The following TIAM1 variants were observed in gnomAD, a reference collection of about 807,000 sequenced individuals.
TIAM1 encodes rho guanine nucleotide exchange factor TIAM1.
A neutral mutation model predicts 163.5 loss-of-function variants in TIAM1; 65 were observed. The observed-to-expected ratio is 0.40, with a 90% CI of 0.33 to 0.49. The LOEUF (loss-of-function observed/expected upper bound fraction) is 0.49, where lower values mean the gene tolerates loss of function less well. TIAM1 is among the 20% of genes least tolerant of loss of function. TIAM1 has a pLI of 0.77. For missense variants in TIAM1, 1,789 were observed against 2,044.7 expected (o/e 0.87, Z 2.41); for synonymous variants, 833 against 810.1 (o/e 1.03, Z -0.48).
intron 8 of TIAM1, among the ~76,000 whole-genome samples, chr21:31,222,705 ATATTTTTTTTTTT>A (rs1267176357): frequency 3.4e-3 from 119 of 35,122 alleles, no homozygotes; most frequent in African/African-American, 0.015. Flanking sequence ...ATATATATAT[ATATTTTTTTTTTT>A]TTTTTTTTTT....
At chr21:31,383,808 T>C (rs1361398093) in intron 2 of TIAM1, among the ~76,000 whole-genome samples, 1 of 152,212 alleles carries the variant, frequency 6.6e-6, no homozygotes, top group Non-Finnish European at 1.5e-5. Context: ...TGTGGGGCAC[T>C]CGATTTCTTT....
At chr21:31,439,962 G>A (rs75233630) in intron 2 of TIAM1, among the ~76,000 whole-genome samples, 6 of 152,292 alleles carry the variant, frequency 3.9e-5, no homozygotes, top group South Asian at 2.1e-4. Flanking sequence ...TGATGCTTCC[G>A]ATTGTCAATA....
In TIAM1 at chr21:31,504,194, A is replaced by G. The variant is rs12626597; in HGVS notation, c.-421-40159T>C. 5.8e-4 allele frequency among the ~76,000 whole-genome samples: 88 copies of G among 152,286 alleles called. 1 individual carries two copies. In the East Asian group the frequency reaches 0.015, roughly 25 times the overall value. On this transcript the variant is annotated intron_variant, in intron 1 of 28. Transcript: ENST00000286827. ...GACTGACAGGTTCCTGCTTGCTGGC[A>G]TATGTGTTACAAGGCAACCCAGGCC...
rs192413782 is a variant in TIAM1 at position 31,395,706 on chromosome 21, G to A, written c.-368-56284C>T. Reference sequence around the variant, plus strand: ...AAAACATCTATCTTGGGGAGGGGGCGCATGCGTTCCCCTGGCTGTCGCGTG... The same window carrying A: ...AAAACATCTATCTTGGGGAGGGGGCACATGCGTTCCCCTGGCTGTCGCGTG... On this transcript the variant is annotated intron_variant, in intron 2 of 28. Transcript: ENST00000286827. This position sits in a 1 kb window ranked among gnomAD's most constrained non-coding sequence, Gnocchi z 7.5. 1.4e-4 allele frequency among the ~76,000 whole-genome samples: 21 copies of A among 152,266 alleles called. No individual in the cohort carries two copies. Among genetic ancestry groups the A allele is most frequent in the South Asian group, 8.3e-4 (4 of 4,826 alleles).
chr21:31,174,885 G>A (rs1601416540), intron 15 of TIAM1, among the ~76,000 whole-genome samples: 1 of 152,248 alleles, frequency 6.6e-6, no homozygotes, highest in African/African-American at 2.4e-5. Flanking sequence ...CTGACTTCTG[G>A]TGATCCACCC....
intron 6 of TIAM1, among the ~76,000 whole-genome samples, chr21:31,229,905 G>C (rs549162543): frequency 6.6e-6 from 1 of 152,060 alleles, no homozygotes; most frequent in Non-Finnish European, 1.5e-5. Flanking sequence ...CACCCGCCTC[G>C]GCCTCCCAAA....
intron 2 of TIAM1, among the ~76,000 whole-genome samples, chr21:31,420,719 G>A (rs2043537950): frequency 6.6e-6 from 1 of 152,128 alleles, no homozygotes; most frequent in Non-Finnish European, 1.5e-5. Context: ...GGGTCAAATA[G>A]GGTCTCCCTC....
intron 2 of TIAM1, among the ~76,000 whole-genome samples, chr21:31,305,425 A>T (rs1426732468): frequency 6.7e-5 from 10 of 148,184 alleles, no homozygotes; most frequent in African/African-American, 2.0e-4. Context: ...ATAAAAATAA[A>T]AAAAAAAAAA....
In TIAM1 at chr21:31,362,479, A is replaced by ATTAT. The variant is rs1191164944; in HGVS notation, c.-368-23058_-368-23057insATAA. On this transcript the variant is annotated intron_variant, in intron 2 of 28. Coordinates refer to the TIAM1 transcript ENST00000286827. ...TATTATTATTATTATTATTATTATT[A>ATTAT]TATTTGAGAAAAGGTCTCGCTTTGT... Among the ~76,000 whole-genome samples, 559 of 145,386 alleles carry ATTAT rather than the reference A, an allele frequency of 3.8e-3. 3 individuals carry two copies. The highest frequency in any genetic ancestry group is 0.014 in the African/African-American group (541 of 39,168).
chr21:31,314,352 C>T (rs1389191964), intron 2 of TIAM1, among the ~76,000 whole-genome samples: 1 of 152,054 alleles, frequency 6.6e-6, no homozygotes, highest in East Asian at 1.9e-4. Context: ...TGATGATTGG[C>T]AGTAGGATAT....
At position 31,126,935 on chromosome 21, in the gene TIAM1, C is replaced by G; in HGVS notation, c.4133+130G>C. ...CTGTCAGCTCCTCCCAGCTGACTCTCCATTTACTGCATCTCAGTGATGTTA... is the reference window on the plus strand; with the variant it reads ...CTGTCAGCTCCTCCCAGCTGACTCTGCATTTACTGCATCTCAGTGATGTTA... On this transcript the variant is annotated intron_variant, in intron 26 of 27. Coordinates refer to ENST00000541036, the MANE Select transcript of TIAM1 (RefSeq NM_001353694.2). The G allele has an allele frequency of 7.2e-6, 6 of 827,818 alleles. No individual in the cohort carries two copies. The South Asian group carries it at 8.4e-5, about 12-fold the overall frequency. 51.3% of individuals were successfully genotyped at this position (827,818 alleles called of 1,614,324 possible).
chr21:31,520,550 T>TC (rs1311140491), intron 1 of TIAM1, among the ~76,000 whole-genome samples: 4 of 152,174 alleles, frequency 2.6e-5, no homozygotes, highest in African/African-American at 9.7e-5. Flanking sequence ...AAATGTGCTG[T>TC]CCTAAGGCAG....
intron 1 of TIAM1, among the ~76,000 whole-genome samples, chr21:31,535,679 C>T (rs955262857): frequency 1.3e-5 from 2 of 152,122 alleles, no homozygotes; most frequent in African/African-American, 4.8e-5. Context: ...TTTCCTCCTT[C>T]CCATTGCCCC....
intron 1 of TIAM1, among the ~76,000 whole-genome samples, chr21:31,557,979 C>T (rs950500987): frequency 1.3e-5 from 2 of 152,122 alleles, no homozygotes; most frequent in African/African-American, 4.8e-5. Context: ...GAGACGGCAT[C>T]TTTCCCCTGC....
At chr21:31,235,958 C>T (rs2088730353) in intron 6 of TIAM1, among the ~76,000 whole-genome samples, 1 of 152,222 alleles carries the variant, frequency 6.6e-6, no homozygotes, top group African/African-American at 2.4e-5. Context: ...GCAAGTGGGG[C>T]CCCTGCCAGG....
chr21:31,269,141 G>A (rs527836655), intron 3 of TIAM1, among the ~76,000 whole-genome samples: 51 of 152,320 alleles, frequency 3.3e-4, no homozygotes, highest in Middle Eastern at 3.4e-3. Context: ...TTTCTGGTAA[G>A]GCTTGTTTCT....
At chr21:31,537,504 C>A (rs1167220301) in intron 1 of TIAM1, among the ~76,000 whole-genome samples, 5 of 151,318 alleles carry the variant, frequency 3.3e-5, no homozygotes, top group African/African-American at 1.2e-4. Context: ...GTTATCCCAG[C>A]ACTTTGGGAG....
intron 1 of TIAM1, among the ~76,000 whole-genome samples, chr21:31,517,546 G>A (rs961532030): frequency 2.6e-5 from 4 of 152,128 alleles, no homozygotes; most frequent in Non-Finnish European, 4.4e-5. Context: ...GAAAACACAC[G>A]CAGAAGAGGA....
chr21:31,172,880 GA>G lies in TIAM1; in HGVS notation c.2888-7816del, dbSNP rs34725096. Among the ~76,000 whole-genome samples, 762 of 144,874 alleles carry G rather than the reference GA, an allele frequency of 5.3e-3. 6 individuals carry two copies. Among genetic ancestry groups the G allele is most frequent in the African/African-American group, 0.017 (686 of 39,856 alleles). ...AAACCCCAACTCTATTTGAAAGTAA[GA>G]AAAAAAAAAACTGCGGTAACCCTGT... is the stretch of plus-strand genomic sequence containing the variant. On this transcript the variant is annotated intron_variant, in intron 15 of 27. Coordinates refer to ENST00000541036, the MANE Select transcript of TIAM1 (RefSeq NM_001353694.2).
Sources: allele counts gnomAD v4.1 joint callset (sites outside exome capture counted in the v4.1 genomes callset), GRCh38; gene constraint gnomAD v4.1.1; non-coding constraint Gnocchi (gnomAD v3.1); transcripts MANE v1.5; gene names NCBI Gene and HGNC (gene_info 2026-07-23, HGNC 2026-07-21).